The following LRP1B variants were observed in gnomAD, a reference collection of about 807,000 sequenced individuals.
The protein encoded by LRP1B is LDL receptor related protein 1B, also known as low-density lipoprotein receptor-related protein 1B.
In LRP1B, 217 loss-of-function variants were observed where a neutral mutation model predicts 556.6. The observed-to-expected ratio is 0.39, with a 90% CI of 0.35 to 0.44. LRP1B has a LOEUF of 0.44. Ranked by LOEUF, LRP1B falls within the 20% of genes least tolerant of loss-of-function variation. The pLI is 1.00. For synonymous variants in LRP1B, 2,047 were observed against 1,865.8 expected (o/e 1.10, Z -2.50); for missense variants, 5,053 against 5,620.8 (o/e 0.90, Z 3.23).
At chr2:141,035,353 A>C (rs1698501792) in intron 11 of LRP1B, among the ~76,000 whole-genome samples, 1 of 51,160 alleles carries the variant, frequency 2.0e-5, no homozygotes. Context: ...CTTGAAGTAC[A>C]ATAATAATAA....
intron 32 of LRP1B, among the ~76,000 whole-genome samples, chr2:140,776,910 A>G (rs1486510601): frequency 6.6e-6 from 1 of 152,164 alleles, no homozygotes; most frequent in Admixed American, 6.5e-5. Context: ...ATTATTTCAA[A>G]TTGTGAAAGC....
chr2:140,605,163 G>A (rs907918835), intron 41 of LRP1B, among the ~76,000 whole-genome samples: 2 of 152,116 alleles, frequency 1.3e-5, no homozygotes, highest in African/African-American at 4.8e-5. Flanking sequence ...TTACTGGCTT[G>A]TTCTCCAAAG....
intron 2 of LRP1B, among the ~76,000 whole-genome samples, chr2:141,748,437 G>A (rs1456261834): frequency 6.6e-6 from 1 of 151,978 alleles, no homozygotes; most frequent in Admixed American, 6.6e-5. Context: ...CTCTATTATA[G>A]GACACGGATG....
intron 1 of LRP1B, among the ~76,000 whole-genome samples, chr2:142,000,405 C>T (rs185018013): frequency 2.0e-5 from 3 of 152,102 alleles, no homozygotes; most frequent in East Asian, 3.8e-4. Context: ...ATAATTTATA[C>T]ATAATTACAA....
intron 18 of LRP1B, among the ~76,000 whole-genome samples, chr2:140,970,311 G>C (rs527955396): frequency 1.3e-5 from 2 of 152,126 alleles, no homozygotes; most frequent in Admixed American, 6.6e-5. Context: ...CCAGTTGATC[G>C]AATCGGCTAC....
At chr2:141,688,643 T>G (rs1691400010) in intron 2 of LRP1B, among the ~76,000 whole-genome samples, 1 of 151,824 alleles carries the variant, frequency 6.6e-6, no homozygotes, top group Non-Finnish European at 1.5e-5. Flanking sequence ...GTCAAACAAT[T>G]GGTAAGTAGT....
chr2:140,331,414 TAATC>T (rs1273823963), intron 79 of LRP1B, among the ~76,000 whole-genome samples: 5 of 152,052 alleles, frequency 3.3e-5, no homozygotes, highest in Non-Finnish European at 7.4e-5. Context: ...ATAACAATAA[TAATC>T]AGTGTGTCAT....
chr2:141,448,777 T>C (rs1681297423), intron 3 of LRP1B, among the ~76,000 whole-genome samples: 1 of 152,212 alleles, frequency 6.6e-6, no homozygotes, highest in Admixed American at 6.5e-5. Context: ...CAGTTGGAAA[T>C]GCAGAAATCA....
intron 1 of LRP1B, among the ~76,000 whole-genome samples, chr2:141,871,712 CAAAAT>C (rs779840849): frequency 1.1e-4 from 17 of 151,788 alleles, no homozygotes; most frequent in Non-Finnish European, 2.4e-4. Flanking sequence ...GATAATAACT[CAAAAT>C]AGATGAATGC....
At chr2:141,238,638 G>T (rs1255997610) in intron 5 of LRP1B, among the ~76,000 whole-genome samples, 1 of 152,072 alleles carries the variant, frequency 6.6e-6, no homozygotes, top group Non-Finnish European at 1.5e-5. Context: ...TATGAATATT[G>T]TTTGGCAGTG....
chr2:141,729,175 G>T (rs1266784048), intron 2 of LRP1B, among the ~76,000 whole-genome samples: 2 of 152,122 alleles, frequency 1.3e-5, no homozygotes, highest in East Asian at 3.9e-4. Flanking sequence ...GCTGGAACCT[G>T]TTTTTACCAT....
At chr2:141,979,342 T>G (rs1446970737) in intron 1 of LRP1B, among the ~76,000 whole-genome samples, 1 of 152,068 alleles carries the variant, frequency 6.6e-6, no homozygotes, top group Non-Finnish European at 1.5e-5. Context: ...CATTAGTGCT[T>G]GAACAAAAAC....
chr2:141,600,637 T>C (rs1217464382), intron 2 of LRP1B, among the ~76,000 whole-genome samples: 2 of 152,182 alleles, frequency 1.3e-5, no homozygotes, highest in Non-Finnish European at 2.9e-5. Context: ...GAAAAGTCAA[T>C]GTCTGCTACC....
At chr2:140,269,639 A>C (rs1682370228) in intron 86 of LRP1B, among the ~76,000 whole-genome samples, 1 of 151,924 alleles carries the variant, frequency 6.6e-6, no homozygotes, top group African/African-American at 2.4e-5. Flanking sequence ...AATCTGAATA[A>C]TTTTATTTCA....
At chr2:141,708,306 T>C (rs1000025492) in intron 2 of LRP1B, among the ~76,000 whole-genome samples, 4 of 152,030 alleles carry the variant, frequency 2.6e-5, no homozygotes, top group African/African-American at 7.2e-5. Flanking sequence ...AAAGGGGTGA[T>C]AGAACAACAC....
chr2:141,857,174 G>A (rs1004219131), intron 1 of LRP1B, among the ~76,000 whole-genome samples: 1 of 151,960 alleles, frequency 6.6e-6, no homozygotes, highest in Non-Finnish European at 1.5e-5. Context: ...TAAGTTAGAG[G>A]TATAAAGTCA....
chr2:140,637,253 G>A (rs1304570899), intron 41 of LRP1B, among the ~76,000 whole-genome samples: 1 of 152,092 alleles, frequency 6.6e-6, no homozygotes, highest in East Asian at 1.9e-4. Flanking sequence ...GGGACAAATT[G>A]CTATTAACCA....
At chr2:140,360,305 A>G in intron 72 of LRP1B, among the ~76,000 whole-genome samples, 1 of 150,988 alleles carries the variant, frequency 6.6e-6, no homozygotes, top group East Asian at 2.0e-4. Flanking sequence ...TCCATCCCTG[A>G]CCTCCTTGCT....
intron 1 of LRP1B, among the ~76,000 whole-genome samples, chr2:141,920,588 G>T (rs1414038026): frequency 6.6e-6 from 1 of 151,972 alleles, no homozygotes; most frequent in Non-Finnish European, 1.5e-5. Flanking sequence ...AGAAGACTGA[G>T]ATGAATGAAC....
Sources: allele counts gnomAD v4.1 joint callset (sites outside exome capture counted in the v4.1 genomes callset), GRCh38; gene constraint gnomAD v4.1.1; transcripts MANE v1.5; gene names NCBI Gene and HGNC (gene_info 2026-07-23, HGNC 2026-07-21).